Variants in C4orf36 observed in about 807,000 individuals in gnomAD.
C4orf36 encodes chromosome 4 open reading frame 36, also known as uncharacterized protein C4orf36.
In C4orf36, 11 loss-of-function variants were observed where a neutral mutation model predicts 12.2. The observed-to-expected ratio is 0.90, with a 90% confidence interval of 0.57 to 1.49. The LOEUF (loss-of-function observed/expected upper bound fraction) is 1.49, where lower values mean the gene tolerates loss of function less well. Among genes scored for constraint, C4orf36 ranks in the 40% most tolerant of loss-of-function variants. The pLI, the probability that C4orf36 is intolerant of heterozygous loss-of-function variation, is 0.00. For missense variants in C4orf36, 137 were observed against 133.9 expected (o/e 1.02, Z -0.11); for synonymous variants, 54 against 51.3 (o/e 1.05, Z -0.22).
Position 86,884,799 on chromosome 4 carries a change from T to TG in C4orf36, c.*2+2958dup, listed in dbSNP as rs112943308. Among the ~76,000 whole-genome samples, 93 of 152,340 alleles carry TG rather than the reference T, an allele frequency of 6.1e-4. 1 individual carries two copies. Among genetic ancestry groups the TG allele is most frequent in the African/African-American group, 2.0e-3 (83 of 41,580 alleles). On this transcript the variant is annotated intron_variant, in intron 4 of 4. Coordinates refer to ENST00000295898, the MANE Select transcript of C4orf36 (RefSeq NM_144645.4). ...CCCATGCCTATGTCCTGAATGGTGTTGCCTAGGTTTTCTTCTAGGGTTTTT... is the reference window on the plus strand; with the variant it reads ...CCCATGCCTATGTCCTGAATGGTGTTGGCCTAGGTTTTCTTCTAGGGTTTTT...
At chr4:86,932,433 A>G in the C4orf36 span, 1 of 151,886 alleles carries the variant, frequency 6.6e-6, no homozygotes, top group Non-Finnish European at 1.5e-5. Context: ...CATTTGGAGG[A>G]ACATAATTTA....
chr4:86,888,401 G>A, intron 2 of C4orf36, 126 bp from the exon 3 acceptor site: 1 of 809,944 alleles, frequency 1.2e-6, no homozygotes, highest in East Asian at 2.6e-5. Context: ...TGGAGGGGGA[G>A]ATGTTCAGAA....
At chr4:86,927,878 A>G in the C4orf36 span, among the ~76,000 whole-genome samples, 1 of 152,202 alleles carries the variant, frequency 6.6e-6, no homozygotes, top group African/African-American at 2.4e-5. Flanking sequence ...ATTGCCACAT[A>G]TATCACATGA....
chr4:86,914,225 G>C, the C4orf36 span: 4 of 1,597,814 alleles, frequency 2.5e-6, no homozygotes, highest in African/African-American at 2.7e-5. Context: ...GGATCACCAG[G>C]GTTGGCTTAC....
At position 86,888,111 on chromosome 4, in the gene C4orf36, A is replaced by G. The variant is rs761639204; in HGVS notation, c.220+10T>C. 6.2e-7 allele frequency: 1 copy of G among 1,605,570 alleles called. No individual in the cohort carries two copies. Among genetic ancestry groups the G allele is most frequent in the Non-Finnish European group, 8.5e-7 (1 of 1,176,432 alleles). On this transcript the variant is annotated intron_variant, in intron 3 of 4. Transcript: ENST00000295898. ...TTATAACTTATTAAAGCAGAACTTA[A>G]GGAACTTACATTCTGCAGAAGGGAG...
chr4:86,908,544 G>A, the C4orf36 span, among the ~76,000 whole-genome samples: 1 of 149,702 alleles, frequency 6.7e-6, no homozygotes, highest in Non-Finnish European at 1.5e-5. Flanking sequence ...AGCCAAAAGT[G>A]TGCAGAAGAG....
At chr4:86,879,553 A>C (rs954913643) in intron 4 of C4orf36, among the ~76,000 whole-genome samples, 1 of 152,174 alleles carries the variant, frequency 6.6e-6, no homozygotes, top group Non-Finnish European at 1.5e-5. Flanking sequence ...GAACACCATC[A>C]AACAGACCAA....
the C4orf36 span, among the ~76,000 whole-genome samples, chr4:86,924,014 A>T: frequency 6.6e-6 from 1 of 152,088 alleles, no homozygotes; most frequent in Non-Finnish European, 1.5e-5. Flanking sequence ...TTTTACTTAC[A>T]TGTTTGATAC....
upstream of C4orf36, among the ~76,000 whole-genome samples, chr4:86,894,338 C>T (rs1473928298): frequency 1.3e-5 from 2 of 152,052 alleles, no homozygotes; most frequent in Admixed American, 1.3e-4. Flanking sequence ...TATACACATA[C>T]GTGTGTGTGT....
chr4:86,901,340 A>G, the C4orf36 span, among the ~76,000 whole-genome samples: 5 of 151,182 alleles, frequency 3.3e-5, no homozygotes, highest in Admixed American at 2.0e-4. Flanking sequence ...CCCACAGATC[A>G]TATCTGATCT....
At chr4:86,903,619 C>G in the C4orf36 span, among the ~76,000 whole-genome samples, 47,893 of 152,116 alleles carry the variant, frequency 0.31, 8,103 homozygotes, top group Non-Finnish European at 0.36. Flanking sequence ...AACATTTATT[C>G]CAAAGATCAA....
At chr4:86,913,617 G>A in the C4orf36 span, 9 of 1,444,584 alleles carry the variant, frequency 6.2e-6, no homozygotes, top group Admixed American at 1.8e-5. Context: ...CTTAGGAGCA[G>A]CAGGAACTCT....
the C4orf36 span, among the ~76,000 whole-genome samples, chr4:86,903,633 A>C: frequency 6.6e-6 from 1 of 152,182 alleles, no homozygotes; most frequent in Non-Finnish European, 1.5e-5. Flanking sequence ...AGATCAAAAG[A>C]ACAAAGCTCC....
upstream of C4orf36, among the ~76,000 whole-genome samples, chr4:86,894,048 C>T (rs1747534143): frequency 6.6e-6 from 1 of 151,986 alleles, no homozygotes; most frequent in Non-Finnish European, 1.5e-5. Context: ...AGGCGCCCGC[C>T]ACCACGCCCA....
the C4orf36 span, among the ~76,000 whole-genome samples, chr4:86,929,675 A>G: frequency 1.3e-5 from 2 of 152,222 alleles, no homozygotes; most frequent in Non-Finnish European, 2.9e-5. Context: ...ACTCTCTGAG[A>G]ACAAGGTTAT....
the C4orf36 span, chr4:86,935,053 C>A: frequency 6.6e-6 from 1 of 151,942 alleles, no homozygotes; most frequent in Non-Finnish European, 1.5e-5. Flanking sequence ...CCTGCGCACT[C>A]GGCCGCCGCC....
the C4orf36 span, chr4:86,935,472 G>A: frequency 6.6e-6 from 1 of 152,444 alleles, no homozygotes; most frequent in Admixed American, 6.5e-5. Context: ...GTAGCGCGTA[G>A]AAAAACAGGG....
chr4:86,878,082 GT>G (rs60255436), intron 4 of C4orf36, among the ~76,000 whole-genome samples: 4,741 of 146,136 alleles, frequency 0.032, 162 homozygotes, highest in African/African-American at 0.088. Flanking sequence ...AGTTGCATGT[GT>G]TTTTTTTTTT....
the C4orf36 span, among the ~76,000 whole-genome samples, chr4:86,915,441 T>C: frequency 6.6e-6 from 1 of 152,186 alleles, no homozygotes; most frequent in Non-Finnish European, 1.5e-5. Flanking sequence ...CAAGTTAAGA[T>C]GAAGTCATAT....
Sources: gnomAD v4.1 joint callset for allele counts (sites outside exome capture counted in the v4.1 genomes callset) on GRCh38, gnomAD v4.1.1 for gene constraint, MANE v1.5 for transcripts, NCBI Gene and HGNC (gene_info 2026-07-23, HGNC 2026-07-21) for gene names.